CHD9: variants seen among roughly 807,000 people sequenced by gnomAD.
CHD9 encodes ATP-dependent chromatin remodeler CHD9.
In CHD9, 77 loss-of-function variants were observed where a neutral mutation model predicts 316.1. The ratio of observed to expected loss-of-function variants is 0.24; its 90% CI spans 0.20 to 0.29. The LOEUF is 0.29. Among genes scored for constraint, CHD9 ranks in the 10% least tolerant of loss-of-function variants. The pLI, the probability that CHD9 is intolerant of heterozygous loss-of-function variation, is 1.00. For missense variants in CHD9, 2,763 were observed against 3,438.1 expected, an observed-to-expected ratio of 0.80 and a Z score of 4.91; for synonymous variants, 1,129 against 1,158.3, an observed-to-expected ratio of 0.97 and a Z score of 0.51.
At chr16:53,217,192 C>G (rs532336948) in intron 3 of CHD9, among the ~76,000 whole-genome samples, 12 of 152,050 alleles carry the variant, frequency 7.9e-5, no homozygotes, top group Non-Finnish European at 2.9e-5. Context: ...ACATACTGGC[C>G]AGTTATTCTG....
chr16:53,215,280 T>C (rs1033685397), intron 3 of CHD9, among the ~76,000 whole-genome samples: 5 of 152,226 alleles, frequency 3.3e-5, no homozygotes, highest in Admixed American at 2.6e-4. Context: ...AATACGTAGC[T>C]AACAACTTGG....
intron 17 of CHD9, among the ~76,000 whole-genome samples, chr16:53,253,902 C>T (rs191467135): frequency 1.3e-5 from 2 of 152,254 alleles, no homozygotes; most frequent in East Asian, 3.9e-4. Flanking sequence ...TAAGGCAAGG[C>T]GCAGTGGCTC....
intron 7 of CHD9, 79 bp from the exon 8 acceptor site, chr16:53,228,898 GTTTATA>G (rs2047914574): frequency 1.6e-6 from 1 of 616,656 alleles, no homozygotes; most frequent in Non-Finnish European, 2.8e-6. Flanking sequence ...GAAGACAATA[GTTTATA>G]TTGGATGTTA....
chr16:53,233,914 A>C (rs2152930421), intron 10 of CHD9, among the ~76,000 whole-genome samples: 1 of 152,338 alleles, frequency 6.6e-6, no homozygotes, highest in East Asian at 1.9e-4. Flanking sequence ...CTTGTTTCTC[A>C]GAAACTTATT....
At chr16:53,191,878 C>G (rs2044504684) in intron 2 of CHD9, among the ~76,000 whole-genome samples, 1 of 152,120 alleles carries the variant, frequency 6.6e-6, no homozygotes, top group African/African-American at 2.4e-5. Flanking sequence ...TACATTCCCA[C>G]CAGCAGTGTA....
At chr16:53,285,509 A>T in intron 24 of CHD9, 87 bp from the exon 25 acceptor site, 1 of 612,582 alleles carries the variant, frequency 1.6e-6, no homozygotes, top group Non-Finnish European at 2.8e-6. Flanking sequence ...CTTGAAAGCC[A>T]CAGTGCTTTA....
At chr16:53,319,993 C>T (rs1350563590) in intron 37 of CHD9, 6 of 362,046 alleles carry the variant, frequency 1.7e-5, no homozygotes, top group African/African-American at 4.4e-5. Context: ...TTTAAATATA[C>T]TTCTTTAAAT....
chr16:53,297,281 A>AT, intron 30 of CHD9, 123 bp downstream of exon 30: 2 of 676,464 alleles, frequency 3.0e-6, no homozygotes, highest in Non-Finnish European at 5.1e-6. Context: ...CTTGTCAGTA[A>AT]TTTTTTAGAA....
chr16:53,074,049 G>A (rs2034317044), intron 1 of CHD9, among the ~76,000 whole-genome samples: 1 of 152,224 alleles, frequency 6.6e-6, no homozygotes, highest in Admixed American at 6.5e-5. Flanking sequence ...ACAAAATACT[G>A]ATAATGATAT....
chr16:53,322,318 A>G (rs2057330293), intron 38 of CHD9, among the ~76,000 whole-genome samples: 2 of 151,398 alleles, frequency 1.3e-5, no homozygotes, highest in East Asian at 2.0e-4. Flanking sequence ...TTTAAAGAGT[A>G]TATCTTAGAC....
At chr16:53,214,712 T>A (rs2046599539) in intron 3 of CHD9, among the ~76,000 whole-genome samples, 1 of 152,190 alleles carries the variant, frequency 6.6e-6, no homozygotes, top group Non-Finnish European at 1.5e-5. Context: ...GGTACCTTTA[T>A]ATGAATCATG....
chr16:53,231,144 G>C (rs537229862), intron 8 of CHD9, among the ~76,000 whole-genome samples: 3 of 152,170 alleles, frequency 2.0e-5, no homozygotes, highest in Non-Finnish European at 2.9e-5. Flanking sequence ...GAGGAAAAGC[G>C]TAAAGGAAAG....
intron 17 of CHD9, among the ~76,000 whole-genome samples, chr16:53,253,565 A>C (rs2050307522): frequency 6.6e-6 from 1 of 152,190 alleles, no homozygotes; most frequent in South Asian, 2.1e-4. Flanking sequence ...ACCAAATACC[A>C]CCTGTACCCC....
chr16:53,235,409 G>A (rs1157597150), intron 11 of CHD9, 103 bp downstream of exon 11: 1 of 806,666 alleles, frequency 1.2e-6, no homozygotes, highest in Non-Finnish European at 1.8e-6. Flanking sequence ...TTGTTTTGAA[G>A]TCTTCATTAT....
chr16:53,322,575 G>C (rs1485114238), intron 38 of CHD9, among the ~76,000 whole-genome samples: 2 of 150,116 alleles, frequency 1.3e-5, no homozygotes, highest in African/African-American at 4.9e-5. Flanking sequence ...CTGGGCAACA[G>C]AGGCAAGACT....
Position 53,324,317 on chromosome 16 carries a change from A to G in CHD9, c.8116A>G (p.Asn2706Asp), listed in dbSNP as rs763582291. ...CCTTCCTTCTGGAGGAGAAGCTAAA[A>G]ACATGGCTGCTATGTTCCCCATGCT... is the stretch of plus-strand genomic sequence containing the variant. ...TGLPSGGEAKNMAAMFPMLLS... is the reference protein window; with the variant it reads ...TGLPSGGEAKDMAAMFPMLLS... Residue 2706 changes from asparagine (N) to aspartate (D), a missense_variant, in exon 39 of 39, where the codon AAC becomes GAC. Physicochemically the swap from Asn to Asp is conservative, Grantham distance 23. This residue lies in a region of CHD9 where 298 missense variants were observed against 380.2 expected (regional missense o/e 0.78). Coordinates refer to ENST00000447540, the MANE Select transcript of CHD9 (RefSeq NM_001308319.2). The G allele has an allele frequency of 6.2e-7, 1 of 1,613,994 alleles. No homozygotes were observed. The highest frequency in any genetic ancestry group is 1.1e-5 in the South Asian group (1 of 91,090).
intron 11 of CHD9, among the ~76,000 whole-genome samples, chr16:53,238,029 C>T (rs2048777895): frequency 6.6e-6 from 1 of 152,058 alleles, no homozygotes; most frequent in Non-Finnish European, 1.5e-5. Flanking sequence ...TCATACTGTC[C>T]TGAGATACAG....
intron 1 of CHD9, among the ~76,000 whole-genome samples, chr16:53,110,009 C>T (rs956156631): frequency 2.6e-5 from 4 of 151,996 alleles, no homozygotes; most frequent in Admixed American, 6.6e-5. Flanking sequence ...TATTGAAGAA[C>T]GAGAAATTCT....
chr16:53,211,205 G>A (rs949918377), intron 3 of CHD9, among the ~76,000 whole-genome samples: 2 of 152,024 alleles, frequency 1.3e-5, no homozygotes, highest in Admixed American at 6.6e-5. Flanking sequence ...TACACTAACC[G>A]TTACTTGCCT....
Sources: gnomAD v4.1 joint callset for allele counts (sites outside exome capture counted in the v4.1 genomes callset) on GRCh38, gnomAD v4.1.1 for gene constraint, gnomAD v4.1.1 regional missense constraint, MANE v1.5 for transcripts, NCBI Gene and HGNC (gene_info 2026-07-23, HGNC 2026-07-21) for gene names.